Variants in CPQ observed in about 807,000 individuals in gnomAD.
CPQ encodes the protein Ser-Met dipeptidase.
A neutral mutation model predicts 45.7 loss-of-function variants in CPQ; 37 were observed. The ratio of observed to expected loss-of-function variants is 0.81; its 90% CI spans 0.62 to 1.07. The LOEUF (loss-of-function observed/expected upper bound fraction) is 1.07, where lower values mean the gene tolerates loss of function less well. Ranked by LOEUF, CPQ falls within the 50% of genes least tolerant of loss-of-function variation. The pLI, the probability that CPQ is intolerant of heterozygous loss-of-function variation, is 0.00. For missense variants in CPQ, 537 were observed against 572.9 expected (o/e 0.94, Z 0.64); for synonymous variants, 186 against 205.8 (o/e 0.90, Z 0.82).
At chr8:96,827,603 C>T (rs1586416680) in intron 2 of CPQ, among the ~76,000 whole-genome samples, 1 of 152,114 alleles carries the variant, frequency 6.6e-6, no homozygotes, top group East Asian at 1.9e-4. Context: ...TGTCCACAGC[C>T]CTTAAATAAC....
intron 4 of CPQ, among the ~76,000 whole-genome samples, chr8:96,965,372 CTTTTT>C (rs5893403): frequency 1.2e-5 from 1 of 80,572 alleles, no homozygotes; most frequent in Non-Finnish European, 2.5e-5. Flanking sequence ...AATTTCTTTT[CTTTTT>C]TTTTTTTTTT....
chr8:96,836,977 A>G (rs746753543), intron 3 of CPQ, among the ~76,000 whole-genome samples: 2 of 152,068 alleles, frequency 1.3e-5, no homozygotes, highest in Non-Finnish European at 2.9e-5. Flanking sequence ...GTATAATTCT[A>G]TTCTTTCAAC....
chr8:96,978,174 A>T (rs529498484), intron 5 of CPQ, among the ~76,000 whole-genome samples: 321 of 152,166 alleles, frequency 2.1e-3, no homozygotes, highest in Non-Finnish European at 3.9e-3. Flanking sequence ...TGGCAGATAC[A>T]TATTTTTTTT....
intron 7 of CPQ, among the ~76,000 whole-genome samples, chr8:97,076,168 G>A (rs1810842288): frequency 6.6e-6 from 1 of 152,118 alleles, no homozygotes; most frequent in African/African-American, 2.4e-5. Flanking sequence ...TGGGATTACA[G>A]GCACACACCA....
intron 3 of CPQ, among the ~76,000 whole-genome samples, chr8:96,873,859 T>A (rs183645108): frequency 6.6e-6 from 1 of 151,952 alleles, no homozygotes; most frequent in Admixed American, 6.6e-5. Flanking sequence ...AAGGATTGAT[T>A]TGAGCTTTGC....
intron 3 of CPQ, among the ~76,000 whole-genome samples, chr8:96,844,117 A>G (rs1334893629): frequency 6.6e-6 from 1 of 152,226 alleles, no homozygotes; most frequent in Non-Finnish European, 1.5e-5. Flanking sequence ...TCTAGTGGCA[A>G]AAAGAAATGA....
intron 7 of CPQ, among the ~76,000 whole-genome samples, chr8:97,093,613 C>CATAG (rs1443298665): frequency 6.6e-6 from 1 of 152,084 alleles, no homozygotes. Flanking sequence ...ACATAAGTGG[C>CATAG]ATAGATAACA....
At position 97,021,112 on chromosome 8, in the gene CPQ, A is replaced by G. The variant is rs918948212; in HGVS notation, c.962-8291A>G. Among the ~76,000 whole-genome samples the G allele has an allele frequency of 2.7e-4, 41 of 152,210 alleles. 1 individual carries two copies. The highest frequency in any genetic ancestry group is 2.3e-3 in the Admixed American group (35 of 15,282). On this transcript the variant is annotated intron_variant, in intron 5 of 7. Coordinates refer to ENST00000220763, the MANE Select transcript of CPQ (RefSeq NM_016134.4). ...TGATACACCACATAAGCAGAATCAA[A>G]AACAAAAATTACATGATCATCTCAA...
At chr8:97,006,468 A>C (rs1809385739) in intron 5 of CPQ, among the ~76,000 whole-genome samples, 1 of 152,230 alleles carries the variant, frequency 6.6e-6, no homozygotes, top group Non-Finnish European at 1.5e-5. Flanking sequence ...TAGTATACAA[A>C]GAAGTGCAAG....
At chr8:96,778,479 T>C (rs1033059980) in intron 1 of CPQ, among the ~76,000 whole-genome samples, 1 of 152,180 alleles carries the variant, frequency 6.6e-6, no homozygotes, top group African/African-American at 2.4e-5. Context: ...TGTTCACTTA[T>C]GTTGAAGGTT....
rs139716333 is a variant in CPQ, at chr8:97,057,386, G to A, written c.1054-8623G>A. Among the ~76,000 whole-genome samples the A allele has an allele frequency of 5.8e-3, 888 of 152,116 alleles. 14 individuals are homozygous for A. The highest frequency in any genetic ancestry group is 0.019 in the African/African-American group (773 of 41,512). On this transcript the variant is annotated intron_variant, in intron 6 of 7. Transcript: ENST00000220763. Reference sequence around the variant, plus strand: ...GACTGTGTCCATTATTTTGTCCAGCGTTCCTCATATAAAGAGCCATGTAAT... The same window carrying A: ...GACTGTGTCCATTATTTTGTCCAGCATTCCTCATATAAAGAGCCATGTAAT...
At chr8:96,650,961 A>G (rs1230959645) in intron 1 of CPQ, among the ~76,000 whole-genome samples, 1 of 152,218 alleles carries the variant, frequency 6.6e-6, no homozygotes, top group Non-Finnish European at 1.5e-5. Flanking sequence ...ATCTGAATAA[A>G]TCCAGATTTT....
rs541406048 is a variant in CPQ at position 96,950,281 on chromosome 8, T to C, written c.850-15654T>C. 3.3e-4 allele frequency among the ~76,000 whole-genome samples: 51 copies of C among 152,276 alleles called. 1 individual carries two copies. The highest frequency in any genetic ancestry group is 2.2e-4 in the Non-Finnish European group (15 of 68,000). The stretch of plus-strand genomic sequence containing the variant: ...ATTAATGGGAAATTTGTTTTAATTA[T>C]GCATTGATCACAAAACATAATATTG... On this transcript the variant is annotated intron_variant, in intron 4 of 7. Coordinates refer to ENST00000220763, the MANE Select transcript of CPQ (RefSeq NM_016134.4).
chr8:97,012,794 A>T (rs945905836), intron 5 of CPQ, among the ~76,000 whole-genome samples: 6 of 152,186 alleles, frequency 3.9e-5, no homozygotes, highest in Non-Finnish European at 8.8e-5. Flanking sequence ...CTAATCCATT[A>T]CCTTAGCAAT....
chr8:96,754,403 C>A (rs1042182797), intron 1 of CPQ, among the ~76,000 whole-genome samples: 2 of 151,984 alleles, frequency 1.3e-5, no homozygotes, highest in Non-Finnish European at 2.9e-5. Flanking sequence ...TTCCACAGAA[C>A]CCTCTTTGGA....
chr8:96,660,838 C>T (rs1815693143), intron 1 of CPQ, among the ~76,000 whole-genome samples: 1 of 152,160 alleles, frequency 6.6e-6, no homozygotes, highest in Non-Finnish European at 1.5e-5. Flanking sequence ...CTAGGCTGAT[C>T]TGAAATATCA....
At chr8:96,852,764 A>G (rs1472958303) in intron 3 of CPQ, among the ~76,000 whole-genome samples, 5 of 152,120 alleles carry the variant, frequency 3.3e-5, no homozygotes, top group African/African-American at 1.2e-4. Flanking sequence ...GGCTGGAGAA[A>G]TTCTTATCGG....
In CPQ at chr8:96,946,678, C is replaced by T. The variant is rs117817449; in HGVS notation, c.850-19257C>T. Among the ~76,000 whole-genome samples, 16 of 148,588 alleles carry T rather than the reference C, an allele frequency of 1.1e-4. No homozygotes were observed. The East Asian group carries it at 3.3e-3, about 30-fold the overall frequency. On this transcript the variant is annotated intron_variant, in intron 4 of 7. Transcript: ENST00000220763. Reference sequence around the variant, plus strand: ...CCAAATTAAACTAGTATTTCTGGTACCTCAAGATTCCCTAAATGGAGCTTC... The same window carrying T: ...CCAAATTAAACTAGTATTTCTGGTATCTCAAGATTCCCTAAATGGAGCTTC...
chr8:96,869,655 G>C (rs1431622677), intron 3 of CPQ, among the ~76,000 whole-genome samples: 5 of 152,018 alleles, frequency 3.3e-5, no homozygotes. Context: ...GTGAAGTCTT[G>C]AAGTCTCCAG....
Sources: allele counts gnomAD v4.1 joint callset (sites outside exome capture counted in the v4.1 genomes callset), GRCh38; gene constraint gnomAD v4.1.1; transcripts MANE v1.5; gene names NCBI Gene and HGNC (gene_info 2026-07-23, HGNC 2026-07-21).